Variants in CAPN3 observed in about 807,000 individuals in gnomAD.
CAPN3 encodes calpain-3.
In CAPN3, 88 loss-of-function variants were observed where a neutral mutation model predicts 114.0. That is an observed-to-expected ratio of 0.77 (90% CI 0.65 to 0.92). The LOEUF is 0.92. CAPN3 is among the 40% of genes least tolerant of loss of function. The probability of loss-of-function intolerance (pLI) is 0.00; values close to 1 mark genes in which losing one functional copy is unlikely to be tolerated. For missense variants in CAPN3, 1,028 were observed against 1,069.0 expected, an observed-to-expected ratio of 0.96 and a Z score of 0.53; for synonymous variants, 386 against 382.9, an observed-to-expected ratio of 1.01 and a Z score of -0.09.
intron 1 of CAPN3, among the ~76,000 whole-genome samples, chr15:42,376,352 G>A (rs374523328): frequency 1.8e-4 from 27 of 152,272 alleles, no homozygotes; most frequent in African/African-American, 6.0e-4. Context: ...CATTCTGCAT[G>A]GGAGCTTTGT....
At position 42,380,368 on chromosome 15, in the gene CAPN3, C is replaced by CTTTTT. The variant is rs776441239; in HGVS notation, c.310-4090_310-4086dup. Among the ~76,000 whole-genome samples, 39 of 46,104 alleles carry CTTTTT rather than the reference C, an allele frequency of 8.5e-4. 4 individuals are homozygous for CTTTTT. Among genetic ancestry groups the CTTTTT allele is most frequent in the African/African-American group, 2.3e-3 (20 of 8,816 alleles). The allele number at this position is 46,104 out of a possible 152,430, so 30.2% of individuals were successfully genotyped here. ...TATCCTTTTACCTCTTCTTTTTTGTCTTTTTTTTTTTTTTTTTTTTTTTTT... is the reference window on the plus strand; with the variant it reads ...TATCCTTTTACCTCTTCTTTTTTGTCTTTTTTTTTTTTTTTTTTTTTTTTTTTTTT... On this transcript the variant is annotated intron_variant, in intron 1 of 23. Transcript: ENST00000397163.
At chr15:42,409,046 C>T in intron 16 of CAPN3, 1 of 511,706 alleles carries the variant, frequency 2.0e-6, no homozygotes, top group South Asian at 2.1e-5. Context: ...CAGGTGGGGA[C>T]TGGGGTGGCG....
chr15:42,377,394 C>T (rs1218948302), intron 1 of CAPN3, among the ~76,000 whole-genome samples: 1 of 152,116 alleles, frequency 6.6e-6, no homozygotes, highest in Non-Finnish European at 1.5e-5. Context: ...GAATGGGTGT[C>T]AGATTTTGTC....
chr15:42,373,073 A>T (rs1349997033), intron 1 of CAPN3, among the ~76,000 whole-genome samples: 1 of 150,862 alleles, frequency 6.6e-6, no homozygotes, highest in Non-Finnish European at 1.5e-5. Context: ...GGTGCCTGTA[A>T]TCCCAGATAT....
At chr15:42,378,310 A>C (rs1218369525) in intron 1 of CAPN3, among the ~76,000 whole-genome samples, 2 of 152,244 alleles carry the variant, frequency 1.3e-5, no homozygotes, top group Non-Finnish European at 2.9e-5. Flanking sequence ...ATGAGTAAAC[A>C]AGCTCTTTAG....
At chr15:42,364,558 A>G (rs148883731) in intron 1 of CAPN3, among the ~76,000 whole-genome samples, 168 of 152,364 alleles carry the variant, frequency 1.1e-3, no homozygotes, top group Middle Eastern at 3.4e-3. Context: ...CCATCTCAGC[A>G]TGAGGATGTG....
intron 1 of CAPN3, among the ~76,000 whole-genome samples, chr15:42,372,960 G>T (rs546942191): frequency 6.6e-6 from 1 of 152,056 alleles, no homozygotes; most frequent in African/African-American, 2.4e-5. Flanking sequence ...AGGCTGAAAC[G>T]GGCAGATCAC....
chr15:42,388,623 T>C (rs1387741213), intron 4 of CAPN3, among the ~76,000 whole-genome samples: 1 of 152,060 alleles, frequency 6.6e-6, no homozygotes, highest in Non-Finnish European at 1.5e-5. Context: ...ATGGCTTTAA[T>C]GCAGCCCTTC....
At chr15:42,387,649 G>T (rs1022782936) in intron 3 of CAPN3, 104 bp from the exon 4 acceptor site, 2 of 1,403,670 alleles carry the variant, frequency 1.4e-6, no homozygotes, top group Non-Finnish European at 2.0e-6. Flanking sequence ...TCCAGGAAAT[G>T]ATGCTGCTTT....
At chr15:42,368,309 A>G (rs898432995) in intron 1 of CAPN3, among the ~76,000 whole-genome samples, 1 of 152,122 alleles carries the variant, frequency 6.6e-6, no homozygotes, top group Admixed American at 6.5e-5. Flanking sequence ...CTTTAGTGCC[A>G]TGTTTTTCTC....
At chr15:42,381,803 G>T (rs886816660) in intron 1 of CAPN3, among the ~76,000 whole-genome samples, 1 of 152,194 alleles carries the variant, frequency 6.6e-6, no homozygotes, top group African/African-American at 2.4e-5. Context: ...CTCCCAAAAT[G>T]CTGTGATTAC....
intron 5 of CAPN3, 29 bp downstream of exon 5, chr15:42,389,125 G>GGGAGCTCCAAGTGTCA (rs2053486658): frequency 9.3e-6 from 15 of 1,610,990 alleles, no homozygotes; most frequent in Non-Finnish European, 1.3e-5. Context: ...GCACAGGGTG[G>GGGAGCTCCAAGTGTCA]GGAGCTCCAA....
rs1375420170 is a variant in CAPN3, at chr15:42,390,097, G to T, written c.945+1G>T. 1.2e-6 allele frequency: 2 copies of T among 1,614,084 alleles called. No homozygotes were observed. Among genetic ancestry groups the T allele is most frequent in the East Asian group, 2.2e-5 (1 of 44,880 alleles). ...AGGCTCAGATGAAAGACCGACCCGG[G>T]TGTGTACACCTCCGATTATCAGAAC... On this transcript the variant is annotated splice_donor_variant, in intron 6 of 23. Transcript: ENST00000397163. LOFTEE classifies it high-confidence loss of function.
At position 42,409,436 on chromosome 15, in the gene CAPN3, C is replaced by G. The variant is rs530427751; in HGVS notation, c.1992+56C>G. ...GGTGCTTCCTTCTCTCCTGGATTAA[C>G]TGCTCAGATTACCAATTATTTCATT... On this transcript the variant is annotated intron_variant, in intron 17 of 23. Coordinates refer to ENST00000397163, the MANE Select transcript of CAPN3 (RefSeq NM_000070.3). The G allele has an allele frequency of 2.1e-6, 3 of 1,451,206 alleles. No homozygotes were observed. The East Asian group carries it at 6.8e-5, about 33-fold the overall frequency. 89.9% of individuals were successfully genotyped at this position (1,451,206 alleles called of 1,614,324 possible).
At chr15:42,399,446 C>T (rs1045805924) in intron 9 of CAPN3, 46 bp from the exon 10 acceptor site, 3 of 1,492,542 alleles carry the variant, frequency 2.0e-6, no homozygotes, top group Non-Finnish European at 2.8e-6. Flanking sequence ...TCCCAGCCCT[C>T]CTCACCTGCT....
Position 42,403,019 on chromosome 15 carries a change from C to CT in CAPN3, c.1745+20dup, listed in dbSNP as rs2053919109. The CT allele has an allele frequency of 5.0e-6, 8 of 1,608,194 alleles. No homozygotes were observed. Among genetic ancestry groups the CT allele is most frequent in the Non-Finnish European group, 6.8e-6 (8 of 1,174,692 alleles). On this transcript the variant is annotated intron_variant, in intron 13 of 23. Coordinates refer to ENST00000397163, the MANE Select transcript of CAPN3 (RefSeq NM_000070.3). ...CCTCTCTGAGTGAGTGCTGGCCCAG[C>CT]TTTCCCACGTGTTTCTAAAAGCTCA... is the stretch of plus-strand genomic sequence containing the variant.
At chr15:42,374,676 C>CT (rs1396842680) in intron 1 of CAPN3, 2 of 152,060 alleles carry the variant, frequency 1.3e-5, no homozygotes, top group African/African-American at 2.4e-5. Flanking sequence ...CTGCTCCTTC[C>CT]TGAAACTGGA....
intron 12 of CAPN3, chr15:42,402,349 C>T (rs899587902): frequency 2.0e-6 from 3 of 1,479,814 alleles, no homozygotes; most frequent in Non-Finnish European, 2.7e-6. Context: ...TTCTCCCTCG[C>T]ACCAGACACT....
chr15:42,392,574 T>C, intron 6 of CAPN3, 65 bp from the exon 7 acceptor site: 1 of 1,244,568 alleles, frequency 8.0e-7, no homozygotes, highest in Admixed American at 1.8e-5. Flanking sequence ...GTATGAACTT[T>C]GCCTCCAAGC....
Sources: allele counts gnomAD v4.1 joint callset (sites outside exome capture counted in the v4.1 genomes callset), GRCh38; gene constraint gnomAD v4.1.1; transcripts MANE v1.5; gene names NCBI Gene and HGNC (gene_info 2026-07-23, HGNC 2026-07-21).